SCFD2: variants seen among roughly 807,000 people sequenced by gnomAD.
SCFD2 encodes sec1 family domain-containing protein 2.
SCFD2 carries 54 observed loss-of-function variants against 58.9 expected under a neutral mutation model. The ratio of observed to expected loss-of-function variants is 0.92; its 90% CI spans 0.74 to 1.15. The LOEUF (loss-of-function observed/expected upper bound fraction) is 1.15. Among genes scored for constraint, SCFD2 ranks in the 50% most tolerant of loss-of-function variants. SCFD2 has a pLI of 0.00. For synonymous variants in SCFD2, 321 were observed against 335.9 expected (o/e 0.96, Z 0.49); for missense variants, 805 against 836.6 (o/e 0.96, Z 0.47).
intron 3 of SCFD2, among the ~76,000 whole-genome samples, chr4:53,307,139 G>A (rs1473929887): frequency 6.6e-6 from 1 of 152,210 alleles, no homozygotes; most frequent in South Asian, 2.1e-4. Flanking sequence ...ATAGAGGGGC[G>A]GAGAGTGATC....
chr4:53,334,168 T>G (rs991885778), intron 2 of SCFD2, among the ~76,000 whole-genome samples: 2 of 150,870 alleles, frequency 1.3e-5, no homozygotes, highest in East Asian at 3.9e-4. Flanking sequence ...GTAAACTAGT[T>G]CAACCATTGT....
Position 53,354,035 on chromosome 4 carries a change from G to A in SCFD2, c.839-1269C>T, listed in dbSNP as rs189400855. Among the ~76,000 whole-genome samples the A allele has an allele frequency of 3.6e-3, 547 of 152,350 alleles. 3 individuals carry two copies. Among genetic ancestry groups the A allele is most frequent in the African/African-American group, 0.013 (524 of 41,586 alleles). ...GCTAGCTTCGCCTAGTGGATCACGC[G>A]CCAGGGCTGCAGCTGGAGCTGCCCA... On this transcript the variant is annotated intron_variant, in intron 1 of 8. Transcript: ENST00000401642.
chr4:53,033,381 T>C (rs572495520), intron 5 of SCFD2, among the ~76,000 whole-genome samples: 2 of 151,830 alleles, frequency 1.3e-5, no homozygotes, highest in Admixed American at 6.6e-5. Flanking sequence ...AATCTAAAAT[T>C]GACATCCTAA....
intron 5 of SCFD2, among the ~76,000 whole-genome samples, chr4:53,102,461 A>C (rs1476621951): frequency 1.3e-5 from 2 of 152,104 alleles, no homozygotes; most frequent in Non-Finnish European, 2.9e-5. Context: ...AGGACAAATA[A>C]ATTAGAAGAA....
At chr4:53,353,575 T>G (rs559094745) in intron 1 of SCFD2, among the ~76,000 whole-genome samples, 5 of 152,236 alleles carry the variant, frequency 3.3e-5, no homozygotes, top group Non-Finnish European at 7.3e-5. Flanking sequence ...GAGAGCTGAT[T>G]GGTCCATTTT....
Position 52,954,078 on chromosome 4 carries a change from A to G in SCFD2, c.1562-33208T>C, listed in dbSNP as rs538614534. On this transcript the variant is annotated intron_variant, in intron 5 of 8. Coordinates refer to ENST00000401642, the MANE Select transcript of SCFD2 (RefSeq NM_152540.4). ...GTACTCATGGCATGGGGTTGCTGTG[A>G]CATTCACAGGCAGCACAGGGAGCAG... is the stretch of plus-strand genomic sequence containing the variant. Among the ~76,000 whole-genome samples the G allele has an allele frequency of 4.6e-5, 7 of 152,324 alleles. No homozygotes were observed. In the South Asian group the frequency reaches 1.4e-3, roughly 32 times the overall value.
intron 5 of SCFD2, among the ~76,000 whole-genome samples, chr4:53,022,900 G>A (rs1722383114): frequency 6.6e-6 from 1 of 152,210 alleles, no homozygotes; most frequent in Non-Finnish European, 1.5e-5. Context: ...CACATAGTAA[G>A]AGTGTGAGAA....
At chr4:53,112,325 C>A (rs569698549) in intron 5 of SCFD2, among the ~76,000 whole-genome samples, 2 of 152,134 alleles carry the variant, frequency 1.3e-5, no homozygotes, top group Admixed American at 1.3e-4. Flanking sequence ...ACAAAAGACT[C>A]TAGCCTTAAT....
At chr4:52,936,953 G>A (rs1057082886) in intron 5 of SCFD2, among the ~76,000 whole-genome samples, 4 of 152,102 alleles carry the variant, frequency 2.6e-5, no homozygotes, top group East Asian at 1.9e-4. Flanking sequence ...GCTGACTACC[G>A]CTAGGCACTG....
chr4:53,112,639 A>C (rs1725206044), intron 5 of SCFD2, among the ~76,000 whole-genome samples: 1 of 152,152 alleles, frequency 6.6e-6, no homozygotes, highest in Non-Finnish European at 1.5e-5. Context: ...AACCAGGCTC[A>C]GGTTTGAATC....
At chr4:53,190,348 T>C (rs1727856536) in intron 4 of SCFD2, among the ~76,000 whole-genome samples, 1 of 152,156 alleles carries the variant, frequency 6.6e-6, no homozygotes, top group Non-Finnish European at 1.5e-5. Flanking sequence ...CTGTTCTCCT[T>C]GCCTGCTGTG....
intron 2 of SCFD2, among the ~76,000 whole-genome samples, chr4:53,352,108 A>T (rs1199499522): frequency 1.3e-5 from 2 of 152,214 alleles, no homozygotes; most frequent in African/African-American, 4.8e-5. Context: ...AACGTACATA[A>T]TCTTCTCTCT....
rs2148845500 is a variant in SCFD2 at position 53,066,567 on chromosome 4, C to T, written c.1561+78766G>A. Among the ~76,000 whole-genome samples, 3 of 152,220 alleles carry T rather than the reference C, an allele frequency of 2.0e-5. No individual in the cohort carries two copies. In the South Asian group the frequency reaches 6.2e-4, roughly 32 times the overall value. ...ATAGGTCCAGCAGAACATTCACTTG[C>T]ACCTGTATGGGTCCTATGAGGTGTT... On this transcript the variant is annotated intron_variant, in intron 5 of 8. Transcript: ENST00000401642.
At chr4:53,258,644 T>C (rs1730734412) in intron 4 of SCFD2, among the ~76,000 whole-genome samples, 1 of 150,726 alleles carries the variant, frequency 6.6e-6, no homozygotes, top group Admixed American at 6.6e-5. Flanking sequence ...TTGGGCTGGT[T>C]CCATACTTTC....
chr4:53,306,850 AT>A (rs1388084467), intron 3 of SCFD2, among the ~76,000 whole-genome samples: 1 of 152,246 alleles, frequency 6.6e-6, no homozygotes, highest in African/African-American at 2.4e-5. Flanking sequence ...TCTGTATTTA[AT>A]CATGAAGAAT....
intron 5 of SCFD2, among the ~76,000 whole-genome samples, chr4:53,009,943 G>T (rs1722059170): frequency 6.6e-6 from 1 of 152,144 alleles, no homozygotes; most frequent in African/African-American, 2.4e-5. Flanking sequence ...CTGGCCTGCT[G>T]GCCTACCGGA....
chr4:52,930,886 A>C (rs970801305), intron 5 of SCFD2, among the ~76,000 whole-genome samples: 3 of 152,198 alleles, frequency 2.0e-5, no homozygotes, highest in Non-Finnish European at 2.9e-5. Context: ...TAGGCATCAG[A>C]TTTTTGATCA....
At chr4:53,105,106 C>T (rs1724949610) in intron 5 of SCFD2, among the ~76,000 whole-genome samples, 1 of 152,076 alleles carries the variant, frequency 6.6e-6, no homozygotes, top group African/African-American at 2.4e-5. Flanking sequence ...CCTCCTCTAG[C>T]CAAGGAAGCC....
At chr4:53,244,369 A>C (rs2149028746) in intron 4 of SCFD2, among the ~76,000 whole-genome samples, 1 of 152,328 alleles carries the variant, frequency 6.6e-6, no homozygotes, top group South Asian at 2.1e-4. Context: ...TAAATGCAAA[A>C]GAACTAAAAT....
Sources: allele counts gnomAD v4.1 joint callset (sites outside exome capture counted in the v4.1 genomes callset), GRCh38; gene constraint gnomAD v4.1.1; transcripts MANE v1.5; gene names NCBI Gene and HGNC (gene_info 2026-07-23, HGNC 2026-07-21).